CENPM: variants seen among roughly 807,000 people sequenced by gnomAD.
CENPM encodes centromere protein M.
Under a neutral mutation model 19.6 loss-of-function variants are expected in CENPM, and 14 were observed. The observed-to-expected ratio is 0.71, with a 90% CI of 0.47 to 1.11. The LOEUF (loss-of-function observed/expected upper bound fraction) is 1.11, where lower values mean the gene tolerates loss of function less well. CENPM is among the 50% of genes most tolerant of loss of function. The pLI is 0.00. For missense variants in CENPM, 239 were observed against 228.4 expected (o/e 1.05, Z -0.30); for synonymous variants, 114 against 101.5 (o/e 1.12, Z -0.74).
chr22:41,945,447 ATTTTTTTTT>A, intron 3 of CENPM, 143 bp from the exon 4 acceptor site: 4 of 1,099,750 alleles, frequency 3.6e-6, no homozygotes, highest in Non-Finnish European at 4.8e-6. Flanking sequence ...TTGTCCTTTA[ATTTTTTTTT>A]TTTTTTTTTT....
At position 41,946,968 on chromosome 22, in the gene CENPM, G is replaced by A; in HGVS notation, c.57+52C>T. 3.8e-6 allele frequency: 6 copies of A among 1,587,078 alleles called. 1 individual carries two copies. In the South Asian group the frequency reaches 4.4e-5, roughly 12 times the overall value. On this transcript the variant is annotated intron_variant, in intron 1 of 5. Coordinates refer to ENST00000215980, the MANE Select transcript of CENPM (RefSeq NM_024053.5). ...GAGCTCAGTTGACCTAGTGGCTGAAGCACCGCCCAGGAGGAAAAACCGGCG... is the reference window on the plus strand; with the variant it reads ...GAGCTCAGTTGACCTAGTGGCTGAAACACCGCCCAGGAGGAAAAACCGGCG...
At chr22:41,940,284 C>T in intron 5 of CENPM, 1 of 659,780 alleles carries the variant, frequency 1.5e-6, no homozygotes, top group Non-Finnish European at 2.8e-6. Flanking sequence ...CCTGGTTACC[C>T]TGCCTAACTC....
At chr22:41,939,282 G>A in intron 5 of CENPM, 86 bp from the exon 6 acceptor site, 1 of 1,467,902 alleles carries the variant, frequency 6.8e-7, no homozygotes, top group South Asian at 1.3e-5. Flanking sequence ...GCCAGAGCAG[G>A]GCTGGGGGCG....
downstream of CENPM, among the ~76,000 whole-genome samples, chr22:41,937,816 C>G (rs560588813): frequency 6.6e-6 from 1 of 152,128 alleles, no homozygotes; most frequent in Admixed American, 6.5e-5. Context: ...ACTGGCATAA[C>G]GAGTCCAAGC....
chr22:41,945,342 G>C (rs2077787486), intron 3 of CENPM, 38 bp from the exon 4 acceptor site: 1 of 1,612,692 alleles, frequency 6.2e-7, no homozygotes, highest in African/African-American at 1.3e-5. Context: ...ACAAACCAGA[G>C]AACAAAACTT....
chr22:41,942,543 G>C (rs1186595951), intron 5 of CENPM, among the ~76,000 whole-genome samples: 1 of 152,108 alleles, frequency 6.6e-6, no homozygotes, highest in African/African-American at 2.4e-5. Flanking sequence ...GAGGTCAGGA[G>C]ATTGAGACCA....
chr22:41,938,640 C>A, downstream of CENPM: 1 of 160,524 alleles, frequency 6.2e-6, no homozygotes, highest in Admixed American at 6.4e-5. Context: ...GCTGGGATTA[C>A]AGGCGTGAGC....
intron 5 of CENPM, among the ~76,000 whole-genome samples, chr22:41,942,862 G>C (rs950344375): frequency 6.6e-6 from 1 of 152,014 alleles, no homozygotes; most frequent in Non-Finnish European, 1.5e-5. Flanking sequence ...TTGAGCCCAG[G>C]AGCTCAAGTC....
the CENPM span, among the ~76,000 whole-genome samples, chr22:41,929,967 G>A: frequency 1.3e-3 from 158 of 121,864 alleles, 1 homozygote; most frequent in African/African-American, 4.6e-3. Flanking sequence ...TTTTTGAGAC[G>A]GAGTCTCTCT....
chr22:41,946,550 G>T (rs1424395303), intron 1 of CENPM, 54 bp from the exon 2 acceptor site: 8 of 1,509,284 alleles, frequency 5.3e-6, no homozygotes, highest in Non-Finnish European at 7.3e-6. Flanking sequence ...ACCCCCTGGG[G>T]AGGGCCTGGC....
the CENPM span, among the ~76,000 whole-genome samples, chr22:41,927,777 G>T: frequency 6.6e-6 from 1 of 152,168 alleles, no homozygotes; most frequent in Non-Finnish European, 1.5e-5. Flanking sequence ...GGGATTATAG[G>T]TGTGAAGCCA....
downstream of CENPM, among the ~76,000 whole-genome samples, chr22:41,936,583 C>A (rs1359916383): frequency 1.3e-5 from 2 of 152,158 alleles, no homozygotes; most frequent in East Asian, 3.8e-4. Flanking sequence ...AGAAGGCGGC[C>A]CACCCCTCAG....
the CENPM span, among the ~76,000 whole-genome samples, chr22:41,928,528 G>A: frequency 1.3e-5 from 2 of 152,208 alleles, no homozygotes; most frequent in Non-Finnish European, 2.9e-5. This position sits in a 1 kb window ranked among gnomAD's most constrained non-coding sequence, Gnocchi z 4.0. Context: ...CACAGTGAGA[G>A]GAGAAACTCA....
At chr22:41,945,383 T>G (rs945289887) in intron 3 of CENPM, 79 bp from the exon 4 acceptor site, 5 of 1,592,044 alleles carry the variant, frequency 3.1e-6, no homozygotes, top group Middle Eastern at 1.7e-4. Flanking sequence ...TCCTTGCTTC[T>G]CTGATCCTAG....
chr22:41,938,081 A>T (rs1214558000), downstream of CENPM, among the ~76,000 whole-genome samples: 1 of 147,672 alleles, frequency 6.8e-6, no homozygotes, highest in African/African-American at 2.5e-5. Flanking sequence ...TGACCTTGTG[A>T]TCTGCCCGCC....
rs764205345 is a variant in CENPM at position 41,945,944 on chromosome 22, C to A, written c.199G>T (p.Val67Leu). ...SVNRPRIDLI[V>L]FVVNLHSKYS... ...TTGCTGTGAAGATTAACCACAAACA[C>A]GATCAGGTCAATTCGGGGCCGATTC... The change falls in exon 3 of 6, where the codon GTG becomes TTG. Residue 67 changes from valine to leucine, a missense_variant. Val to Leu is a conservative substitution (Grantham distance 32). Transcript: ENST00000215980. The A allele has an allele frequency of 1.9e-6, 3 of 1,613,838 alleles. No homozygotes were observed. The highest frequency in any genetic ancestry group is 2.5e-6 in the Non-Finnish European group (3 of 1,179,936).
In CENPM at chr22:41,938,837, T is replaced by G; in HGVS notation, c.*219A>C. On this transcript the variant is annotated 3_prime_UTR_variant, in exon 6 of 6. Transcript: ENST00000215980. Reference sequence around the variant, plus strand: ...CTTAAAGACACAGGCTCTGCAAGAGTGAGTGTGGGAGTGGGAGGGGGCTAC... The same window carrying G: ...CTTAAAGACACAGGCTCTGCAAGAGGGAGTGTGGGAGTGGGAGGGGGCTAC... The G allele has an allele frequency of 1.9e-6, 1 of 513,234 alleles. No homozygotes were observed. The highest frequency in any genetic ancestry group is 3.4e-6 in the Non-Finnish European group (1 of 289,954). 31.8% of individuals were successfully genotyped at this position (513,234 alleles called of 1,614,324 possible). A position where few individuals can be genotyped will look rare whatever the true frequency, so the allele number is the denominator to read the frequency against.
chr22:41,940,771 T>A (rs1211477948), intron 5 of CENPM, among the ~76,000 whole-genome samples: 1 of 152,176 alleles, frequency 6.6e-6, no homozygotes, highest in African/African-American at 2.4e-5. Flanking sequence ...AGTATTTTTT[T>A]AATAAGTCCT....
the CENPM span, among the ~76,000 whole-genome samples, chr22:41,932,558 A>G: frequency 6.6e-6 from 1 of 152,210 alleles, no homozygotes; most frequent in Non-Finnish European, 1.5e-5. This position sits in a 1 kb window ranked among gnomAD's most constrained non-coding sequence, Gnocchi z 4.3. Context: ...ACACGTGCGC[A>G]CACACGCGCG....
Sources: allele counts gnomAD v4.1 joint callset (sites outside exome capture counted in the v4.1 genomes callset), GRCh38; gene constraint gnomAD v4.1.1; non-coding constraint Gnocchi (gnomAD v3.1); transcripts MANE v1.5; gene names NCBI Gene and HGNC (gene_info 2026-07-23, HGNC 2026-07-21).